The following COX10 variants were observed in gnomAD, a reference collection of about 807,000 sequenced individuals.
The protein encoded by COX10 is protoheme IX farnesyltransferase, mitochondrial.
In COX10, 27 loss-of-function variants were observed where a neutral mutation model predicts 37.3. That is an observed-to-expected ratio of 0.72 (90% CI 0.53 to 1.00). The LOEUF is 1.00. Among genes scored for constraint, COX10 ranks in the 50% least tolerant of loss-of-function variants. The probability of loss-of-function intolerance (pLI) is 0.00; values close to 1 mark genes in which losing one functional copy is unlikely to be tolerated. For synonymous variants in COX10, 222 were observed against 229.1 expected (o/e 0.97, Z 0.28); for missense variants, 475 against 563.2 (o/e 0.84, Z 1.59).
At chr17:14,086,153 A>G (rs1284235327) in intron 3 of COX10, among the ~76,000 whole-genome samples, 1 of 152,036 alleles carries the variant, frequency 6.6e-6, no homozygotes, top group Non-Finnish European at 1.5e-5. Context: ...CTTTGTTTTC[A>G]TGTGCAAAAG....
At chr17:14,158,410 T>A (rs892978919) in intron 4 of COX10, among the ~76,000 whole-genome samples, 1 of 151,362 alleles carries the variant, frequency 6.6e-6, no homozygotes, top group Non-Finnish European at 1.5e-5. Context: ...TTTTAACATA[T>A]ACTTCTTAGT....
At chr17:14,182,003 T>C (rs1597540252) in intron 5 of COX10, 2 of 914,052 alleles carry the variant, frequency 2.2e-6, no homozygotes, top group South Asian at 5.3e-5. Flanking sequence ...GGTATTTTTT[T>C]CTTTTTTTTT....
intron 5 of COX10, among the ~76,000 whole-genome samples, chr17:14,186,954 C>T (rs62052063): frequency 0.56 from 84,500 of 151,062 alleles, 23,905 homozygotes; most frequent in East Asian, 0.6. Flanking sequence ...AATGAGGTAA[C>T]GCTATCTCAG....
At chr17:14,145,260 G>C (rs1904679308) in intron 4 of COX10, among the ~76,000 whole-genome samples, 1 of 152,162 alleles carries the variant, frequency 6.6e-6, no homozygotes, top group Non-Finnish European at 1.5e-5. Context: ...CTTGTGGAGA[G>C]AAGCAGATTG....
At chr17:14,202,766 C>T (rs746397206) in intron 6 of COX10, among the ~76,000 whole-genome samples, 1 of 151,260 alleles carries the variant, frequency 6.6e-6, no homozygotes, top group Non-Finnish European at 1.5e-5. Context: ...CCTGTTCCCC[C>T]CTGCGCTGGG....
intron 6 of COX10, among the ~76,000 whole-genome samples, chr17:14,203,431 T>C (rs1405411815): frequency 6.6e-6 from 1 of 152,104 alleles, no homozygotes; most frequent in East Asian, 1.9e-4. Context: ...CCCTCATCCC[T>C]CTTAAACCAT....
Position 14,188,349 on chromosome 17 carries a change from C to A in COX10, c.696-3640C>A, listed in dbSNP as rs188925269. Among the ~76,000 whole-genome samples, 5 of 151,420 alleles carry A rather than the reference C, an allele frequency of 3.3e-5. No individual in the cohort carries two copies. The East Asian group carries it at 9.7e-4, about 29-fold the overall frequency. On this transcript the variant is annotated intron_variant, in intron 5 of 6. Coordinates refer to ENST00000261643, the MANE Select transcript of COX10 (RefSeq NM_001303.4). The stretch of plus-strand genomic sequence containing the variant: ...AGGAGATGTAACAACACAGAGGTAT[C>A]TTTGTAATCTTTCATCTGGAAAATC...
chr17:14,154,035 C>A (rs891313110), intron 4 of COX10, among the ~76,000 whole-genome samples: 1 of 152,208 alleles, frequency 6.6e-6, no homozygotes, highest in Admixed American at 6.5e-5. Flanking sequence ...CAAAAAGAGT[C>A]CATTTTATTT....
intron 5 of COX10, 105 bp from the exon 6 acceptor site, chr17:14,191,884 T>A: frequency 8.2e-7 from 1 of 1,213,462 alleles, no homozygotes; most frequent in Admixed American, 1.8e-5. Flanking sequence ...CAGTACTGCC[T>A]CTACTGGATA....
chr17:14,145,825 G>A (rs894052304), intron 4 of COX10, among the ~76,000 whole-genome samples: 3 of 152,132 alleles, frequency 2.0e-5, no homozygotes, highest in African/African-American at 7.2e-5. Context: ...AAAATAGCCT[G>A]AATTAAGGAA....
chr17:14,160,139 A>G (rs184369205), intron 5 of COX10, among the ~76,000 whole-genome samples, 192 bp downstream of exon 5: 113 of 152,320 alleles, frequency 7.4e-4, no homozygotes, highest in Middle Eastern at 3.4e-3. Context: ...AGATGGATGT[A>G]AGAGTGGCAG....
At chr17:14,089,571 G>A (rs185129098) in intron 3 of COX10, among the ~76,000 whole-genome samples, 9 of 152,310 alleles carry the variant, frequency 5.9e-5, no homozygotes, top group African/African-American at 1.7e-4. Context: ...GTTAGTGAAC[G>A]TTGAAGAAGT....
chr17:14,176,962 A>ATT (rs201327461), intron 5 of COX10, among the ~76,000 whole-genome samples: 1 of 150,332 alleles, frequency 6.7e-6, no homozygotes. Flanking sequence ...ATTTTCTATA[A>ATT]TTTTTTTTTT....
rs148666179 is a variant in COX10 at position 14,118,695 on chromosome 17, C to G, written c.624+16453C>G. ...AAAGGCATAAAAATTTTATAAAATG[C>G]TACTTTTTTCCTGATCTTGTCTTAT... On this transcript the variant is annotated intron_variant, in intron 4 of 6. Transcript: ENST00000261643. Among the ~76,000 whole-genome samples, 761 of 152,156 alleles carry G rather than the reference C, an allele frequency of 5.0e-3. 2 individuals are homozygous for G. The highest frequency in any genetic ancestry group is 0.018 in the African/African-American group (728 of 41,528).
In COX10 at chr17:14,117,606, C is replaced by G. The variant is rs184393126; in HGVS notation, c.624+15364C>G. On this transcript the variant is annotated intron_variant, in intron 4 of 6. Coordinates refer to ENST00000261643, the MANE Select transcript of COX10 (RefSeq NM_001303.4). ...CCTTCAGTAACCTGCTGCTCAAACC[C>G]GGAGGGGGAACATGCAGACAGGCAG... Among the ~76,000 whole-genome samples, 3 of 152,268 alleles carry G rather than the reference C, an allele frequency of 2.0e-5. No individual in the cohort carries two copies. In the East Asian group the frequency reaches 5.8e-4, roughly 29 times the overall value.
At chr17:14,090,955 A>C (rs944411917) in intron 3 of COX10, among the ~76,000 whole-genome samples, 3 of 152,218 alleles carry the variant, frequency 2.0e-5, no homozygotes, top group Admixed American at 6.5e-5. Flanking sequence ...ATAGTAGCTC[A>C]ATGGAGAAAA....
intron 4 of COX10, among the ~76,000 whole-genome samples, chr17:14,109,914 A>G (rs1915976081): frequency 6.6e-6 from 1 of 152,142 alleles, no homozygotes; most frequent in African/African-American, 2.4e-5. Context: ...AAGTTTGGTC[A>G]GGTTTTGGCC....
chr17:14,122,203 A>G (rs1248112528), intron 4 of COX10, among the ~76,000 whole-genome samples: 6 of 152,148 alleles, frequency 3.9e-5, no homozygotes, highest in Non-Finnish European at 5.9e-5. Context: ...TTTGGGGGAA[A>G]AAAGGGCCTT....
chr17:14,180,055 A>G (rs1255573337), intron 5 of COX10, among the ~76,000 whole-genome samples: 8 of 152,174 alleles, frequency 5.3e-5, no homozygotes, highest in Non-Finnish European at 7.3e-5. Context: ...ACATTTTTCA[A>G]ATTTACTGAG....
Sources: allele counts gnomAD v4.1 joint callset (sites outside exome capture counted in the v4.1 genomes callset), GRCh38; gene constraint gnomAD v4.1.1; transcripts MANE v1.5; gene names NCBI Gene and HGNC (gene_info 2026-07-23, HGNC 2026-07-21).